CLCA2: variants seen among roughly 807,000 people sequenced by gnomAD.
CLCA2 encodes the protein calcium-activated chloride channel regulator 2.
CLCA2 carries 85 observed loss-of-function variants against 82.9 expected under a neutral mutation model. That is an observed-to-expected ratio of 1.03 (90% CI 0.86 to 1.23). The LOEUF (loss-of-function observed/expected upper bound fraction) is 1.23, where lower values mean the gene tolerates loss of function less well. Among genes scored for constraint, CLCA2 ranks in the 50% most tolerant of loss-of-function variants. The pLI is 0.00. For synonymous variants in CLCA2, 421 were observed against 391.7 expected, an observed-to-expected ratio of 1.07 and a Z score of -0.88; for missense variants, 1,089 against 1,124.8, an observed-to-expected ratio of 0.97 and a Z score of 0.45.
intron 12 of CLCA2, among the ~76,000 whole-genome samples, chr1:86,451,797 G>A (rs1195537837): frequency 1.3e-5 from 2 of 152,046 alleles, no homozygotes; most frequent in African/African-American, 4.8e-5. Flanking sequence ...AAAAATAAGG[G>A]TAATAATTGT....
At chr1:86,433,345 T>G (rs1241100194) in intron 5 of CLCA2, among the ~76,000 whole-genome samples, 3 of 152,246 alleles carry the variant, frequency 2.0e-5, no homozygotes, top group Non-Finnish European at 4.4e-5. Flanking sequence ...CACATGCCTC[T>G]GTGGAGTTTT....
intron 3 of CLCA2, 127 bp downstream of exon 3, chr1:86,428,695 T>C (rs1662438263): frequency 6.0e-6 from 6 of 1,001,830 alleles, no homozygotes; most frequent in Non-Finnish European, 8.7e-6. Context: ...AAGGGGGAGA[T>C]AGGTCATATG....
chr1:86,440,446 G>T (rs1021677739), intron 8 of CLCA2, 121 bp downstream of exon 8: 4 of 923,672 alleles, frequency 4.3e-6, no homozygotes, highest in Admixed American at 3.1e-5. Flanking sequence ...TTTAAAAAAC[G>T]CACACACATA....
At chr1:86,441,257 C>T (rs187614764) in intron 8 of CLCA2, among the ~76,000 whole-genome samples, 180 bp from the exon 9 acceptor site, 9 of 152,294 alleles carry the variant, frequency 5.9e-5, no homozygotes, top group Admixed American at 2.6e-4. Context: ...TGAAACCACT[C>T]GCCTAGGGCC....
chr1:86,433,930 A>G (rs1662548780), intron 5 of CLCA2, among the ~76,000 whole-genome samples: 1 of 150,258 alleles, frequency 6.7e-6, no homozygotes, highest in African/African-American at 2.5e-5. Context: ...GGGTATTGAC[A>G]TAGGTTCAGT....
At position 86,456,059 on chromosome 1, in the gene CLCA2, TCA is replaced by T. The variant is rs1558123262; in HGVS notation, c.*533_*534del. The T allele has an allele frequency of 6.6e-6, 1 of 152,198 alleles. No homozygotes were observed. The highest frequency in any genetic ancestry group is 1.9e-4 in the East Asian group (1 of 5,198). The allele number at this position is 152,198 out of a possible 1,614,324, so 9.4% of individuals were successfully genotyped here. On this transcript the variant is annotated 3_prime_UTR_variant, in exon 14 of 14. Coordinates refer to ENST00000370565, the MANE Select transcript of CLCA2 (RefSeq NM_006536.7). ...ACAGATGAAATCTCACTGCTAATGC[TCA>T]GAGATCTTTTTTCACTGTAAGAGGT...
At chr1:86,433,316 G>A (rs906433704) in intron 5 of CLCA2, among the ~76,000 whole-genome samples, 1 of 152,166 alleles carries the variant, frequency 6.6e-6, no homozygotes, top group African/African-American at 2.4e-5. Flanking sequence ...TCTCTTCACA[G>A]ATCTGGGGGT....
intron 7 of CLCA2, 21 bp from the exon 8 acceptor site, chr1:86,440,127 T>G: frequency 6.2e-7 from 1 of 1,608,648 alleles, no homozygotes; most frequent in Non-Finnish European, 8.5e-7. Context: ...TCCTTCCAAG[T>G]GACTAATTCT....
Position 86,439,045 on chromosome 1 carries a change from C to T in CLCA2, c.1142C>T (p.Pro381Leu). The change falls in exon 7 of 14, where the codon CCC becomes CTC. Residue 381 changes from proline (P) to leucine (L), a missense_variant. By Grantham distance (98) the Pro-to-Leu change is moderately conservative. Transcript: ENST00000370565. The part of the protein sequence containing the change: ...DDRKLLVSYL[P>L]TTVSAKTDIS... ...CGAAAGTTGCTGGTTTCATATCTGCCCACCACTGTATCAGCTAAAACAGAC... is the reference window on the plus strand; with the variant it reads ...CGAAAGTTGCTGGTTTCATATCTGCTCACCACTGTATCAGCTAAAACAGAC... 1 of 1,614,054 alleles carries T rather than the reference C, an allele frequency of 6.2e-7. No homozygotes were observed. The highest frequency in any genetic ancestry group is 1.1e-5 in the South Asian group (1 of 91,074).
At chr1:86,448,275 C>T (rs1662895573) in intron 11 of CLCA2, 1 of 158,260 alleles carries the variant, frequency 6.3e-6, no homozygotes, top group South Asian at 1.9e-4. Context: ...TGACCCTAGA[C>T]CCAAGAGGCT....
Position 86,441,497 on chromosome 1 carries a change from G to A in CLCA2, c.1442G>A (p.Ser481Asn). Residue 481 changes from serine (S) to asparagine (N), a missense_variant, in exon 9 of 14, where the codon AGT becomes AAT. By Grantham distance (46) the Ser-to-Asn change is conservative. Transcript: ENST00000370565. ...SNSNSMIDAF[S>N]RISSGTGDIF... is the part of the protein sequence containing the mutation. ...TCCAATAGCATGATTGATGCTTTCA[G>A]TAGAATTTCCTCTGGAACTGGAGAC... 2 of 1,612,330 alleles carry A rather than the reference G, an allele frequency of 1.2e-6. No individual in the cohort carries two copies. Among genetic ancestry groups the A allele is most frequent in the Non-Finnish European group, 1.7e-6 (2 of 1,178,762 alleles).
In CLCA2 at chr1:86,425,926, T is replaced by C. The variant is rs368862352; in HGVS notation, c.324+450T>C. 1.1e-4 allele frequency among the ~76,000 whole-genome samples: 16 copies of C among 152,066 alleles called. No homozygotes were observed. The East Asian group carries it at 1.2e-3, about 11-fold the overall frequency. On this transcript the variant is annotated intron_variant, in intron 2 of 13. Coordinates refer to ENST00000370565, the MANE Select transcript of CLCA2 (RefSeq NM_006536.7). ...CTGCCATCTTATGCCATGGTGTAGA[T>C]TATCAGAATTTCACATTAGCTCAAG...
chr1:86,445,700 T>C (rs556908044), intron 10 of CLCA2, among the ~76,000 whole-genome samples: 103 of 146,322 alleles, frequency 7.0e-4, no homozygotes, highest in African/African-American at 2.6e-3. Flanking sequence ...GTCTTTGTTA[T>C]AATATTAATA....
At chr1:86,428,330 A>G in intron 2 of CLCA2, 88 bp from the exon 3 acceptor site, 1 of 1,230,610 alleles carries the variant, frequency 8.1e-7, no homozygotes, top group East Asian at 2.5e-5. Context: ...TCTTAAGTGT[A>G]CAGTTCAAAG....
chr1:86,431,899 T>C (rs1032491566), intron 4 of CLCA2, among the ~76,000 whole-genome samples: 1 of 152,208 alleles, frequency 6.6e-6, no homozygotes, highest in African/African-American at 2.4e-5. Context: ...ACTTTCTTAA[T>C]GAAGCAGTTT....
intron 6 of CLCA2, among the ~76,000 whole-genome samples, chr1:86,436,883 T>C (rs1285328113): frequency 6.6e-6 from 1 of 152,152 alleles, no homozygotes; most frequent in African/African-American, 2.4e-5. Context: ...CCAGCTAATT[T>C]TGTATTTTTA....
intron 12 of CLCA2, among the ~76,000 whole-genome samples, chr1:86,451,923 T>A (rs1194075151): frequency 1.3e-5 from 2 of 152,160 alleles, no homozygotes; most frequent in Non-Finnish European, 2.9e-5. Flanking sequence ...TAGTAATAAT[T>A]ATTATTAGTT....
intron 13 of CLCA2, among the ~76,000 whole-genome samples, chr1:86,454,571 C>G (rs1663033519): frequency 6.6e-6 from 1 of 152,174 alleles, no homozygotes; most frequent in Non-Finnish European, 1.5e-5. Context: ...GCAGGTGGAT[C>G]ACCTGAGGTC....
intron 10 of CLCA2, among the ~76,000 whole-genome samples, chr1:86,446,306 G>T (rs1662852930): frequency 6.8e-6 from 1 of 148,082 alleles, no homozygotes; most frequent in South Asian, 2.1e-4. Context: ...TCATGTTTTG[G>T]CTTCTACCCA....
Sources: allele counts gnomAD v4.1 joint callset (sites outside exome capture counted in the v4.1 genomes callset), GRCh38; gene constraint gnomAD v4.1.1; transcripts MANE v1.5; gene names NCBI Gene and HGNC (gene_info 2026-07-23, HGNC 2026-07-21).